TNIP1: variants seen among roughly 807,000 people sequenced by gnomAD.
TNIP1 encodes TNFAIP3 interacting protein 1, also known as TNFAIP3-interacting protein 1.
In TNIP1, 22 loss-of-function variants were observed where a neutral mutation model predicts 86.6. That is an observed-to-expected ratio of 0.25 (90% CI 0.18 to 0.36). TNIP1 has a LOEUF of 0.36. Ranked by LOEUF, TNIP1 falls within the 10% of genes least tolerant of loss-of-function variation. The probability of loss-of-function intolerance (pLI) is 1.00; values close to 1 mark genes in which losing one functional copy is unlikely to be tolerated. For synonymous variants in TNIP1, 294 were observed against 313.0 expected (o/e 0.94, Z 0.64); for missense variants, 709 against 820.6 (o/e 0.86, Z 1.66).
chr5:151,046,663 T>C (rs552715435), intron 8 of TNIP1, among the ~76,000 whole-genome samples: 1 of 152,162 alleles, frequency 6.6e-6, no homozygotes, highest in South Asian at 2.1e-4. Context: ...AAGGAAGTGC[T>C]CAAATGAATA....
chr5:151,054,179 C>T (rs1462102319), intron 6 of TNIP1, among the ~76,000 whole-genome samples: 2 of 152,192 alleles, frequency 1.3e-5, no homozygotes, highest in East Asian at 1.9e-4. Context: ...AAAGTTGGGC[C>T]CCTGTCTCCC....
chr5:151,036,780 G>C lies in TNIP1; in HGVS notation c.1395+10C>G, dbSNP rs755105690. On this transcript the variant is annotated intron_variant, in intron 13 of 17. Transcript: ENST00000521591. ...GCACCTCCCACCTGATTTCCTCCCGGAAGCCTCACCTGCTGTTTCAGCAAC... is the reference window on the plus strand; with the variant it reads ...GCACCTCCCACCTGATTTCCTCCCGCAAGCCTCACCTGCTGTTTCAGCAAC... 2.5e-6 allele frequency: 4 copies of C among 1,613,890 alleles called. No homozygotes were observed. In the African/African-American group the frequency reaches 5.3e-5, roughly 22 times the overall value.
intron 6 of TNIP1, among the ~76,000 whole-genome samples, 171 bp from the exon 7 acceptor site, chr5:151,052,430 C>T (rs1051872549): frequency 5.3e-5 from 8 of 152,338 alleles, no homozygotes; most frequent in East Asian, 1.9e-4. Flanking sequence ...TGGCCACCCA[C>T]GTGTCCTCTC....
upstream of TNIP1, among the ~76,000 whole-genome samples, chr5:151,082,524 T>G (rs1403036398): frequency 1.3e-5 from 2 of 152,198 alleles, no homozygotes; most frequent in Non-Finnish European, 2.9e-5. Flanking sequence ...ATTCTCTTCC[T>G]GCAGGGCTCT....
intron 1 of TNIP1, among the ~76,000 whole-genome samples, chr5:151,074,938 C>A (rs992678148): frequency 5.3e-5 from 8 of 152,268 alleles, no homozygotes; most frequent in South Asian, 4.1e-4. Context: ...CCACCACACC[C>A]AGCTAATTTT....
intron 8 of TNIP1, 162 bp from the exon 9 acceptor site, chr5:151,046,112 G>C (rs912595368): frequency 1.6e-6 from 1 of 629,774 alleles, no homozygotes; most frequent in Non-Finnish European, 2.8e-6. Flanking sequence ...TCATGACTAC[G>C]TCCCCTTCTA....
Position 151,056,623 on chromosome 5 carries a change from T to C in TNIP1, c.627+143A>G, listed in dbSNP as rs188349069. The C allele has an allele frequency of 8.0e-5, 60 of 752,698 alleles. No individual in the cohort carries two copies. In the African/African-American group the frequency reaches 9.9e-4, roughly 12 times the overall value. 46.6% of individuals were successfully genotyped at this position (752,698 alleles called of 1,614,324 possible). A position where few individuals can be genotyped will look rare whatever the true frequency, so the allele number is the denominator to read the frequency against. ...AACTTCCTTATCCTGTTCATCACCCTGAACAAAAAGCCCGAAGTCTGCCCA... is the reference window on the plus strand; with the variant it reads ...AACTTCCTTATCCTGTTCATCACCCCGAACAAAAAGCCCGAAGTCTGCCCA... On this transcript the variant is annotated intron_variant, in intron 6 of 17. Coordinates refer to ENST00000521591, the MANE Select transcript of TNIP1 (RefSeq NM_006058.5).
rs559339796 is a variant in TNIP1 at position 151,073,412 on chromosome 5, A to C, written c.-37+7468T>G. Among the ~76,000 whole-genome samples, 3 of 152,326 alleles carry C rather than the reference A, an allele frequency of 2.0e-5. No individual in the cohort carries two copies. The South Asian group carries it at 6.2e-4, about 32-fold the overall frequency. ...ACATTTTTGCTATTCTTGAATGTCC[A>C]TCAAGAAGGGACTGGTTAAACAAAC... is the stretch of plus-strand genomic sequence containing the variant. On this transcript the variant is annotated intron_variant, in intron 1 of 17. Coordinates refer to ENST00000521591, the MANE Select transcript of TNIP1 (RefSeq NM_006058.5).
At chr5:151,056,597 CA>C (rs5872185) in intron 6 of TNIP1, among the ~76,000 whole-genome samples, 168 bp downstream of exon 6, 34,996 of 152,140 alleles carry the variant, frequency 0.23, 4,126 homozygotes, top group South Asian at 0.3. Context: ...TCCCTCCCCA[CA>C]ACTTCCTTAT....
Position 151,042,672 on chromosome 5 carries a change from C to T in TNIP1, c.1003-1G>A. The T allele has an allele frequency of 6.2e-7, 1 of 1,613,826 alleles. No individual in the cohort carries two copies. The highest frequency in any genetic ancestry group is 8.5e-7 in the Non-Finnish European group (1 of 1,179,998). On this transcript the variant is annotated splice_acceptor_variant, in intron 10 of 17. Transcript: ENST00000521591. LOFTEE classifies it high-confidence loss of function. Reference sequence around the variant, plus strand: ...CCAGCTTCTGACGCAGCTCAGTGATCTGGGTTCAGAGGCAGAGAGGAGTGT... The same window carrying T: ...CCAGCTTCTGACGCAGCTCAGTGATTTGGGTTCAGAGGCAGAGAGGAGTGT...
chr5:151,066,055 C>T (rs536626630), intron 1 of TNIP1, among the ~76,000 whole-genome samples: 2 of 152,188 alleles, frequency 1.3e-5, no homozygotes, highest in African/African-American at 4.8e-5. Flanking sequence ...TGCTAGGCAC[C>T]AGTCTGGGTG....
rs577834095 is a variant in TNIP1 at position 151,048,924 on chromosome 5, A to G, written c.846+900T>C. On this transcript the variant is annotated intron_variant, in intron 8 of 17. Coordinates refer to ENST00000521591, the MANE Select transcript of TNIP1 (RefSeq NM_006058.5). The stretch of plus-strand genomic sequence containing the variant: ...GTCACACAGAAATCCTGATTATATG[A>G]TGTTACTTGACCTCTCCAAACCTAT... Among the ~76,000 whole-genome samples the G allele has an allele frequency of 2.6e-5, 4 of 152,274 alleles. No homozygotes were observed. In the South Asian group the frequency reaches 8.3e-4, roughly 32 times the overall value.
chr5:151,036,811 C>G lies in TNIP1; in HGVS notation c.1374G>C (p.Gln458His). Residue 458 changes from glutamine to histidine, a missense_variant, in exon 13 of 18, where the codon CAG (glutamine) becomes CAC (histidine). Physicochemically the swap from Gln to His is conservative, Grantham distance 24. Transcript: ENST00000521591. Reference sequence around the variant, plus strand: ...TCACCTGCTGTTTCAGCAACTCATTCTGCGTGACCAGCTCCTGTTTCCTTA... The same window carrying G: ...TCACCTGCTGTTTCAGCAACTCATTGTGCGTGACCAGCTCCTGTTTCCTTA... Reference protein sequence around the residue: ...ALLRKQELVTQNELLKQQVKI... With the variant: ...ALLRKQELVTHNELLKQQVKI... 6.2e-7 allele frequency: 1 copy of G among 1,614,090 alleles called. No homozygotes were observed. The highest frequency in any genetic ancestry group is 2.2e-5 in the East Asian group (1 of 44,864).
intron 1 of TNIP1, among the ~76,000 whole-genome samples, chr5:151,076,222 C>G (rs556490403): frequency 1.3e-5 from 2 of 152,344 alleles, no homozygotes; most frequent in South Asian, 4.1e-4. Context: ...GGGAGCTGTG[C>G]TCCCCCACAA....
intron 4 of TNIP1, among the ~76,000 whole-genome samples, chr5:151,061,142 A>G (rs1009869967): frequency 1.3e-5 from 2 of 152,196 alleles, no homozygotes; most frequent in Non-Finnish European, 2.9e-5. Flanking sequence ...CCAACCAAGA[A>G]GCCAATGGCC....
At chr5:151,053,631 T>C (rs969428705) in intron 6 of TNIP1, among the ~76,000 whole-genome samples, 2 of 152,212 alleles carry the variant, frequency 1.3e-5, no homozygotes, top group African/African-American at 4.8e-5. Flanking sequence ...TAGCATACAG[T>C]GTCAGCACAG....
chr5:151,059,819 GA>G (rs1453878627), intron 5 of TNIP1, among the ~76,000 whole-genome samples: 2 of 107,352 alleles, frequency 1.9e-5, no homozygotes, highest in East Asian at 4.0e-4. Flanking sequence ...GAGAGAGAGA[GA>G]GAGAGAGAGT....
rs368575797 is a variant in TNIP1, at chr5:151,036,269, C to T, written c.1395+521G>A. 2.6e-5 allele frequency among the ~76,000 whole-genome samples: 4 copies of T among 152,334 alleles called. 1 individual carries two copies. Among genetic ancestry groups the T allele is most frequent in the Admixed American group, 2.6e-4 (4 of 15,308 alleles). On this transcript the variant is annotated intron_variant, in intron 13 of 17. Transcript: ENST00000521591. ...GAGCCACAACCTTTTCGCTTTCTTTCACCCCAATCCTTCTGTGTCCCTCAG... is the reference window on the plus strand; with the variant it reads ...GAGCCACAACCTTTTCGCTTTCTTTTACCCCAATCCTTCTGTGTCCCTCAG...
At chr5:151,074,735 T>C (rs146089409) in intron 1 of TNIP1, among the ~76,000 whole-genome samples, 16 of 152,280 alleles carry the variant, frequency 1.1e-4, no homozygotes, top group Non-Finnish European at 2.1e-4. Context: ...CAATTTCCTA[T>C]CAGGAAATAC....
Sources: gnomAD v4.1 joint callset for allele counts (sites outside exome capture counted in the v4.1 genomes callset) on GRCh38, gnomAD v4.1.1 for gene constraint, MANE v1.5 for transcripts, NCBI Gene and HGNC (gene_info 2026-07-23, HGNC 2026-07-21) for gene names.